GRM7: variants seen among roughly 807,000 people sequenced by gnomAD.
The protein encoded by GRM7 is glutamate metabotropic receptor 7, also known as metabotropic glutamate receptor 7.
Under a neutral mutation model 84.5 loss-of-function variants are expected in GRM7, and 35 were observed. That is an observed-to-expected ratio of 0.41 (90% confidence interval 0.32 to 0.55). The LOEUF is 0.55. GRM7 is among the 20% of genes least tolerant of loss of function. The probability of loss-of-function intolerance (pLI) is 0.19; values close to 1 mark genes in which losing one functional copy is unlikely to be tolerated. For missense variants in GRM7, 1,003 were observed against 1,194.6 expected, an observed-to-expected ratio of 0.84 and a Z score of 2.36; for synonymous variants, 487 against 455.1, an observed-to-expected ratio of 1.07 and a Z score of -0.89.
At chr3:7,204,799 G>T (rs1317292122) in intron 2 of GRM7, among the ~76,000 whole-genome samples, 1 of 152,108 alleles carries the variant, frequency 6.6e-6, no homozygotes, top group African/African-American at 2.4e-5. Context: ...GCAATTTTTT[G>T]CCTCCTTGCA....
intron 2 of GRM7, among the ~76,000 whole-genome samples, chr3:7,255,007 G>A (rs1698142521): frequency 6.6e-6 from 1 of 152,180 alleles, no homozygotes; most frequent in Non-Finnish European, 1.5e-5. Context: ...CAGGTTTTGA[G>A]GGATGAGCAA....
chr3:7,504,785 GAAT>G, intron 7 of GRM7, among the ~76,000 whole-genome samples: 1 of 152,054 alleles, frequency 6.6e-6, no homozygotes. Flanking sequence ...ATAAACTTTG[GAAT>G]ACACATTTTA....
intron 9 of GRM7, among the ~76,000 whole-genome samples, chr3:7,733,930 C>T (rs185516446): frequency 6.6e-6 from 1 of 152,310 alleles, no homozygotes; most frequent in East Asian, 1.9e-4. Context: ...AGGCTTAGCA[C>T]AGTACATCCT....
chr3:7,305,960 A>T (rs1182349322), intron 3 of GRM7, among the ~76,000 whole-genome samples: 1 of 152,158 alleles, frequency 6.6e-6, no homozygotes, highest in African/African-American at 2.4e-5. Context: ...TGTCCTGATT[A>T]TGTATATATA....
At chr3:7,317,836 TAAAG>T (rs1700637761) in intron 4 of GRM7, among the ~76,000 whole-genome samples, 1 of 151,284 alleles carries the variant, frequency 6.6e-6, no homozygotes, top group Non-Finnish European at 1.5e-5. Context: ...GGTGAGGGAA[TAAAG>T]AGAAGGAATT....
intron 9 of GRM7, among the ~76,000 whole-genome samples, chr3:7,707,194 T>A (rs1374894266): frequency 1.3e-5 from 2 of 152,142 alleles, no homozygotes; most frequent in Non-Finnish European, 2.9e-5. Flanking sequence ...TTTCCTCCCT[T>A]GCTAGCTTCA....
At chr3:7,276,468 G>A (rs1263090328) in intron 2 of GRM7, among the ~76,000 whole-genome samples, 1 of 151,746 alleles carries the variant, frequency 6.6e-6, no homozygotes, top group Non-Finnish European at 1.5e-5. Flanking sequence ...AACTCTGTAA[G>A]GTACAAATTA....
chr3:7,478,762 A>G (rs1308760071), intron 7 of GRM7, among the ~76,000 whole-genome samples: 1 of 152,172 alleles, frequency 6.6e-6, no homozygotes. Context: ...TTTAGTACTC[A>G]AAGGTCATTC....
At position 7,425,541 on chromosome 3, in the gene GRM7, G is replaced by A. The variant is rs867020669; in HGVS notation, c.1174+10378G>A. Among the ~76,000 whole-genome samples the A allele has an allele frequency of 2.6e-5, 4 of 152,266 alleles. No homozygotes were observed. In the South Asian group the frequency reaches 8.3e-4, roughly 32 times the overall value. On this transcript the variant is annotated intron_variant, in intron 5 of 9. Coordinates refer to ENST00000357716, the MANE Select transcript of GRM7 (RefSeq NM_000844.4). Reference sequence around the variant, plus strand: ...GAGACTGAAATAGTGTGAAACCAAGGTGGTACAAAATAATACCTTTAAGAA... The same window carrying A: ...GAGACTGAAATAGTGTGAAACCAAGATGGTACAAAATAATACCTTTAAGAA...
chr3:6,872,517 G>T (rs1372683220), intron 1 of GRM7, among the ~76,000 whole-genome samples: 1 of 151,970 alleles, frequency 6.6e-6, no homozygotes, highest in Non-Finnish European at 1.5e-5. Context: ...AGACGTGCAG[G>T]TTTGTTACAT....
intron 8 of GRM7, among the ~76,000 whole-genome samples, chr3:7,600,966 A>G (rs1451539594): frequency 2.6e-5 from 4 of 151,530 alleles, no homozygotes; most frequent in Non-Finnish European, 4.4e-5. Flanking sequence ...CCTCATTGCC[A>G]CTCTCTGTGA....
At chr3:6,920,599 T>C (rs1444744484) in intron 1 of GRM7, among the ~76,000 whole-genome samples, 1 of 152,068 alleles carries the variant, frequency 6.6e-6, no homozygotes, top group Non-Finnish European at 1.5e-5. Flanking sequence ...CCCACAAATA[T>C]TGGATAATAC....
chr3:7,541,272 A>G (rs779743), intron 7 of GRM7, among the ~76,000 whole-genome samples: 58,862 of 151,978 alleles, frequency 0.39, 12,508 homozygotes, highest in East Asian at 0.55. Flanking sequence ...GAAATTACAT[A>G]TTATTCAAAC....
intron 9 of GRM7, among the ~76,000 whole-genome samples, chr3:7,732,600 G>A (rs572393449): frequency 6.6e-6 from 1 of 152,182 alleles, no homozygotes; most frequent in African/African-American, 2.4e-5. Flanking sequence ...CTTCAAAACT[G>A]TGAATATTTC....
chr3:7,213,674 G>A (rs575755612), intron 2 of GRM7, among the ~76,000 whole-genome samples: 7 of 152,226 alleles, frequency 4.6e-5, no homozygotes, highest in African/African-American at 1.7e-4. Flanking sequence ...CACAACACAG[G>A]CCTCAGTTGA....
At chr3:6,908,916 A>T (rs11915789) in intron 1 of GRM7, among the ~76,000 whole-genome samples, 14,209 of 152,088 alleles carry the variant, frequency 0.093, 1,507 homozygotes, top group East Asian at 0.36. Context: ...TAAGTCAAGA[A>T]TGCCCTTTTG....
At chr3:6,869,581 G>GTCTA (rs140514964) in intron 1 of GRM7, among the ~76,000 whole-genome samples, 50,591 of 150,678 alleles carry the variant, frequency 0.34, 8,849 homozygotes, top group South Asian at 0.47. Context: ...CTATCTATCT[G>GTCTA]TCTATCTATC....
At chr3:7,202,712 T>C (rs112423339) in intron 2 of GRM7, among the ~76,000 whole-genome samples, 7,870 of 152,262 alleles carry the variant, frequency 0.052, 564 homozygotes, top group African/African-American at 0.17. Flanking sequence ...TTGAACTTTA[T>C]TGAAGATATA....
At chr3:7,009,418 C>T (rs775387781) in intron 1 of GRM7, among the ~76,000 whole-genome samples, 16 of 152,254 alleles carry the variant, frequency 1.1e-4, no homozygotes, top group Admixed American at 2.0e-4. Flanking sequence ...GACCCAAGGT[C>T]GCACAGCTGG....
Sources: allele counts gnomAD v4.1 joint callset (sites outside exome capture counted in the v4.1 genomes callset), GRCh38; gene constraint gnomAD v4.1.1; transcripts MANE v1.5; gene names NCBI Gene and HGNC (gene_info 2026-07-23, HGNC 2026-07-21).